Variants in DENND2C observed in about 807,000 individuals in gnomAD.
DENND2C encodes the protein DENN domain-containing protein 2C.
Under a neutral mutation model 112.4 loss-of-function variants are expected in DENND2C, and 72 were observed. The observed-to-expected ratio is 0.64, with a 90% CI of 0.53 to 0.78. The LOEUF is 0.78. Among genes scored for constraint, DENND2C ranks in the 30% least tolerant of loss-of-function variants. DENND2C has a pLI of 0.00. For synonymous variants in DENND2C, 329 were observed against 381.6 expected (o/e 0.86, Z 1.61); for missense variants, 992 against 1,113.8 (o/e 0.89, Z 1.56).
chr1:114,630,848 G>C (rs1477578377), intron 3 of DENND2C, among the ~76,000 whole-genome samples: 1 of 152,234 alleles, frequency 6.6e-6, no homozygotes, highest in East Asian at 1.9e-4. Flanking sequence ...ACTAGCTCTG[G>C]GAAACCTTCA....
chr1:114,621,636 G>A (rs780376988), intron 7 of DENND2C, among the ~76,000 whole-genome samples: 5 of 152,226 alleles, frequency 3.3e-5, no homozygotes, highest in Non-Finnish European at 5.9e-5. Flanking sequence ...ATAGGCAGAC[G>A]ATTTTAATGA....
chr1:114,661,106 C>CAAAAAA (rs61417132), intron 1 of DENND2C, among the ~76,000 whole-genome samples: 11 of 102,632 alleles, frequency 1.1e-4, no homozygotes, highest in South Asian at 3.2e-4. Flanking sequence ...GACTCCGTCT[C>CAAAAAA]AAAAAAAAAA....
chr1:114,607,690 G>C (rs1189356868), intron 10 of DENND2C, among the ~76,000 whole-genome samples: 1 of 151,862 alleles, frequency 6.6e-6, no homozygotes, highest in African/African-American at 2.4e-5. Context: ...TAAAATATTT[G>C]ATTAAAAGAA....
intron 3 of DENND2C, among the ~76,000 whole-genome samples, chr1:114,642,985 G>A (rs1378568462): frequency 2.0e-5 from 3 of 152,030 alleles, no homozygotes; most frequent in African/African-American, 7.2e-5. Flanking sequence ...TTTGCATATT[G>A]TTATACTTTT....
At chr1:114,601,732 A>G in intron 12 of DENND2C, 147 bp from the exon 13 acceptor site, 1 of 697,286 alleles carries the variant, frequency 1.4e-6, no homozygotes. Context: ...AAAGATGTGA[A>G]AAGTGCTAAA....
intron 3 of DENND2C, among the ~76,000 whole-genome samples, chr1:114,627,941 G>C (rs1361172188): frequency 2.0e-5 from 3 of 151,880 alleles, no homozygotes; most frequent in African/African-American, 7.3e-5. Context: ...TGTGTCTTAA[G>C]TGTGAATGGC....
At chr1:114,642,061 C>T (rs1269003401) in intron 3 of DENND2C, among the ~76,000 whole-genome samples, 3 of 152,148 alleles carry the variant, frequency 2.0e-5, no homozygotes, top group Non-Finnish European at 4.4e-5. Flanking sequence ...AAGTGGTTCT[C>T]CTACCTTAGC....
intron 9 of DENND2C, 144 bp downstream of exon 9, chr1:114,610,929 C>A: frequency 2.2e-6 from 2 of 927,774 alleles, no homozygotes; most frequent in Non-Finnish European, 1.7e-6. Context: ...ATTCTCCAAA[C>A]CTCAACAGGC....
intron 10 of DENND2C, among the ~76,000 whole-genome samples, chr1:114,605,272 T>C (rs1341241600): frequency 6.6e-6 from 1 of 152,200 alleles, no homozygotes; most frequent in Non-Finnish European, 1.5e-5. Flanking sequence ...AGAAATGGTA[T>C]CTGTGGATAT....
rs1656208780 is a variant in DENND2C at position 114,623,003 on chromosome 1, G to A, written c.1040C>T (p.Ala347Val). 6.2e-7 allele frequency: 1 copy of A among 1,612,070 alleles called. No individual in the cohort carries two copies. The highest frequency in any genetic ancestry group is 8.5e-7 in the Non-Finnish European group (1 of 1,179,148). ...TGGTTATACCTTGGGTGCTTTAAAA[G>A]CACTTTTAGCGGGTGGTAGCTTCCA... ...SAWKLPPAKS[A>V]FKAPKLPPKP... Residue 347 changes from alanine to valine, a missense_variant, in exon 6 of 21, where the codon GCT becomes GTT. Transcript: ENST00000393274.
intron 8 of DENND2C, 68 bp downstream of exon 8, chr1:114,618,318 G>T: frequency 8.3e-7 from 1 of 1,205,852 alleles, no homozygotes; most frequent in Non-Finnish European, 1.1e-6. Context: ...CAAACATTAA[G>T]TTATATGGTG....
chr1:114,594,681 A>G (rs952748974), intron 17 of DENND2C, 103 bp from the exon 18 acceptor site: 1 of 949,472 alleles, frequency 1.1e-6, no homozygotes, highest in Non-Finnish European at 1.6e-6. Flanking sequence ...AAGTGACTGT[A>G]TATATTTTGG....
chr1:114,657,590 T>C (rs1657369931), intron 1 of DENND2C, among the ~76,000 whole-genome samples: 2 of 152,176 alleles, frequency 1.3e-5, no homozygotes, highest in South Asian at 4.1e-4. Flanking sequence ...AAAGGTCAAG[T>C]AAGATAAAAA....
At position 114,583,769 on chromosome 1, in the gene DENND2C, T is replaced by C. The variant is rs1005851844; in HGVS notation, c.*1831A>G. On this transcript the variant is annotated 3_prime_UTR_variant, in exon 21 of 21. Coordinates refer to ENST00000393274, the MANE Select transcript of DENND2C (RefSeq NM_001256404.2). ...TTGCAGTGAGCCGAGATCACACCAT[T>C]GCACTCCAGCCTGGGCAAAAAGAGC... 2 of 141,470 alleles carry C rather than the reference T, an allele frequency of 1.4e-5. No individual in the cohort carries two copies. Among genetic ancestry groups the C allele is most frequent in the African/African-American group, 5.3e-5 (2 of 37,416 alleles). 8.8% of individuals were successfully genotyped at this position (141,470 alleles called of 1,614,324 possible). A position where few individuals can be genotyped will look rare whatever the true frequency, so the allele number is the denominator to read the frequency against.
At position 114,619,534 on chromosome 1, in the gene DENND2C, C is replaced by T. The variant is rs574842204; in HGVS notation, c.1228-1052G>A. 3.5e-4 allele frequency among the ~76,000 whole-genome samples: 54 copies of T among 152,150 alleles called. 1 individual carries two copies. The highest frequency in any genetic ancestry group is 9.2e-4 in the Admixed American group (14 of 15,282). On this transcript the variant is annotated intron_variant, in intron 7 of 20. Transcript: ENST00000393274. ...TGTCCCCTGCCAACCACTCACCCCC[C>T]AAAAAACATGCAAGAAACATATGCT...
chr1:114,647,115 T>C (rs937002390), intron 2 of DENND2C, among the ~76,000 whole-genome samples: 12 of 150,998 alleles, frequency 7.9e-5, no homozygotes, highest in East Asian at 2.0e-4. Context: ...TGGGCCAAGA[T>C]TGCACCACTG....
intron 1 of DENND2C, among the ~76,000 whole-genome samples, chr1:114,662,710 C>A (rs540157564): frequency 6.6e-6 from 1 of 152,160 alleles, no homozygotes; most frequent in African/African-American, 2.4e-5. Context: ...GTACCCCCAG[C>A]GCTTTGGGAG....
chr1:114,584,998 T>C lies in DENND2C; in HGVS notation c.*602A>G, dbSNP rs1655003543. On this transcript the variant is annotated 3_prime_UTR_variant, in exon 21 of 21. Coordinates refer to ENST00000393274, the MANE Select transcript of DENND2C (RefSeq NM_001256404.2). ...TTGCAAGATGTCTAATTTTATAAGG[T>C]ACTTAATAACAGTACCTTATAATAT... 2 of 152,276 alleles carry C rather than the reference T, an allele frequency of 1.3e-5. No homozygotes were observed. The highest frequency in any genetic ancestry group is 4.8e-5 in the African/African-American group (2 of 41,544). 9.4% of individuals were successfully genotyped at this position (152,276 alleles called of 1,614,324 possible).
At chr1:114,615,378 T>C (rs1655937451) in intron 8 of DENND2C, among the ~76,000 whole-genome samples, 1 of 152,172 alleles carries the variant, frequency 6.6e-6, no homozygotes, top group South Asian at 2.1e-4. Context: ...AAGTTAACCG[T>C]TGATGATAGA....
Sources: gnomAD v4.1 joint callset for allele counts (sites outside exome capture counted in the v4.1 genomes callset) on GRCh38, gnomAD v4.1.1 for gene constraint, MANE v1.5 for transcripts, NCBI Gene and HGNC (gene_info 2026-07-23, HGNC 2026-07-21) for gene names.